The following AFTPH variants were observed in gnomAD, a reference collection of about 807,000 sequenced individuals.
AFTPH encodes aftiphilin, also known as aftiphilin protein.
Under a neutral mutation model 72.5 loss-of-function variants are expected in AFTPH, and 7 were observed. The observed-to-expected ratio is 0.10, with a 90% confidence interval of 0.05 to 0.18. The LOEUF (loss-of-function observed/expected upper bound fraction) is 0.18, where lower values mean the gene tolerates loss of function less well. Ranked by LOEUF, AFTPH falls within the 10% of genes least tolerant of loss-of-function variation. The pLI is 1.00. For synonymous variants in AFTPH, 337 were observed against 370.1 expected (o/e 0.91, Z 1.03); for missense variants, 979 against 1,060.5 (o/e 0.92, Z 1.07).
chr2:64,553,702 T>TAA (rs5831703), intron 2 of AFTPH, among the ~76,000 whole-genome samples: 3 of 139,294 alleles, frequency 2.2e-5, no homozygotes, highest in African/African-American at 2.6e-5. Flanking sequence ...CCATATATGT[T>TAA]AAAAAAAAAA....
chr2:64,566,612 T>G (rs1242103601), intron 2 of AFTPH, among the ~76,000 whole-genome samples: 3 of 152,194 alleles, frequency 2.0e-5, no homozygotes, highest in Admixed American at 2.0e-4. Flanking sequence ...AGTTGATGTT[T>G]AAATGGTAAA....
intron 7 of AFTPH, among the ~76,000 whole-genome samples, chr2:64,582,623 G>GT: frequency 6.6e-6 from 1 of 152,198 alleles, no homozygotes; most frequent in South Asian, 2.1e-4. Context: ...AATACTTACG[G>GT]GGGGGTAGGA....
intron 6 of AFTPH, 77 bp from the exon 7 acceptor site, chr2:64,579,409 A>T: frequency 1.7e-6 from 2 of 1,167,032 alleles, no homozygotes; most frequent in East Asian, 2.4e-5. Flanking sequence ...GTCTTGCTAT[A>T]ATTTTTTTTT....
intron 2 of AFTPH, among the ~76,000 whole-genome samples, chr2:64,554,635 GT>G (rs1671249245): frequency 6.6e-6 from 1 of 152,138 alleles, no homozygotes; most frequent in African/African-American, 2.4e-5. Context: ...TCGCTTTTTA[GT>G]TGGCTTTTGT....
intron 8 of AFTPH, among the ~76,000 whole-genome samples, chr2:64,590,009 A>G (rs1673730901): frequency 6.6e-6 from 1 of 151,426 alleles, no homozygotes; most frequent in Non-Finnish European, 1.5e-5. Context: ...TGACCTCTAA[A>G]ATTGACCTAG....
chr2:64,587,419 G>A (rs969080768), intron 8 of AFTPH, among the ~76,000 whole-genome samples: 1 of 152,180 alleles, frequency 6.6e-6, no homozygotes, highest in Non-Finnish European at 1.5e-5. Flanking sequence ...ATGTCCCAAC[G>A]AGTGATTCTC....
intron 6 of AFTPH, among the ~76,000 whole-genome samples, chr2:64,577,039 G>A (rs911489869): frequency 6.6e-6 from 1 of 151,596 alleles, no homozygotes; most frequent in African/African-American, 2.4e-5. Flanking sequence ...GATTACAGGT[G>A]TGAGCCACCG....
At chr2:64,553,280 C>T (rs1383438805) in exon 2 of AFTPH, 1 of 1,614,108 alleles carries the variant, frequency 6.2e-7, no homozygotes, top group East Asian at 2.2e-5. Context: ...GAAAGGAAGC[C>T]TGGCAGTCAC....
chr2:64,549,502 G>T (rs980271318), intron 1 of AFTPH, among the ~76,000 whole-genome samples: 2 of 149,000 alleles, frequency 1.3e-5, no homozygotes, highest in Non-Finnish European at 1.5e-5. Flanking sequence ...TTTATTTTTA[G>T]TAGAGGTGGG....
intron 1 of AFTPH, 98 bp downstream of exon 1, chr2:64,524,710 A>T (rs1191948526): frequency 2.1e-5 from 8 of 384,424 alleles, no homozygotes; most frequent in Admixed American, 4.5e-5. Context: ...GGCCGGGAGC[A>T]TCTGCCCGCC....
intron 6 of AFTPH, among the ~76,000 whole-genome samples, chr2:64,578,516 A>G (rs549210170): frequency 2.6e-5 from 4 of 151,344 alleles, no homozygotes; most frequent in Non-Finnish European, 5.9e-5. Flanking sequence ...TGCTTATTTT[A>G]TATGTTTGAC....
intron 4 of AFTPH, 55 bp from the exon 5 acceptor site, chr2:64,569,568 T>C (rs1387717409): frequency 9.0e-6 from 14 of 1,557,696 alleles, no homozygotes; most frequent in African/African-American, 4.1e-5. Context: ...AACTATTTCA[T>C]TGTATGATAG....
intron 1 of AFTPH, among the ~76,000 whole-genome samples, chr2:64,545,690 A>G (rs1050626032): frequency 7.7e-6 from 1 of 129,310 alleles, no homozygotes; most frequent in Non-Finnish European, 1.5e-5. Context: ...TTCAGCCTCA[A>G]AGGGTTGCAT....
intron 2 of AFTPH, among the ~76,000 whole-genome samples, chr2:64,564,703 A>AT (rs1269879364): frequency 6.6e-6 from 1 of 152,198 alleles, no homozygotes; most frequent in Non-Finnish European, 1.5e-5. Flanking sequence ...AAGTGTTATT[A>AT]TACCAGTCAT....
intron 1 of AFTPH, among the ~76,000 whole-genome samples, chr2:64,549,422 G>A (rs1015881335): frequency 3.6e-5 from 5 of 140,454 alleles, no homozygotes; most frequent in African/African-American, 1.3e-4. Flanking sequence ...CTGGGTTCAA[G>A]TGATTCTCCT....
At chr2:64,584,135 CTTT>C (rs1338868271) in intron 7 of AFTPH, among the ~76,000 whole-genome samples, 1 of 151,862 alleles carries the variant, frequency 6.6e-6, no homozygotes, top group Non-Finnish European at 1.5e-5. Context: ...AACTCATGAA[CTTT>C]TTTTCTCAAG....
chr2:64,552,226 C>T (rs1193217895), exon 2 of AFTPH: 6 of 1,613,824 alleles, frequency 3.7e-6, no homozygotes, highest in Non-Finnish European at 5.1e-6. Flanking sequence ...ATAGAATGTG[C>T]AGTTTTAAAT....
chr2:64,543,302 C>T (rs893586214), intron 1 of AFTPH, among the ~76,000 whole-genome samples: 1 of 152,190 alleles, frequency 6.6e-6, no homozygotes, highest in African/African-American at 2.4e-5. Context: ...ATGTTTTGCA[C>T]ATATCTTCTC....
intron 6 of AFTPH, among the ~76,000 whole-genome samples, chr2:64,578,551 A>G (rs1672965191): frequency 7.4e-6 from 1 of 135,130 alleles, no homozygotes; most frequent in African/African-American, 3.2e-5. Flanking sequence ...AACCCCTGGA[A>G]TAGTGAATTT....
Sources: gnomAD v4.1 joint callset for allele counts (sites outside exome capture counted in the v4.1 genomes callset) on GRCh38, gnomAD v4.1.1 for gene constraint, MANE v1.5 for transcripts, NCBI Gene and HGNC (gene_info 2026-07-23, HGNC 2026-07-21) for gene names.